ZNF169: variants seen among roughly 807,000 people sequenced by gnomAD.
The protein encoded by ZNF169 is zinc finger protein 169.
ZNF169 carries 11 observed loss-of-function variants against 12.0 expected under a neutral mutation model. The ratio of observed to expected loss-of-function variants is 0.92; its 90% confidence interval spans 0.58 to 1.52. The LOEUF is 1.52. Among genes scored for constraint, ZNF169 ranks in the 40% most tolerant of loss-of-function variants. ZNF169 has a pLI of 0.00. For synonymous variants in ZNF169, 302 were observed against 286.5 expected, an observed-to-expected ratio of 1.05 and a Z score of -0.55; for missense variants, 722 against 744.0, an observed-to-expected ratio of 0.97 and a Z score of 0.34.
intron 2 of ZNF169, chr9:94,288,208 T>A (rs1830754720): frequency 1.2e-6 from 1 of 811,886 alleles, no homozygotes; most frequent in African/African-American, 1.7e-5. Context: ...TACCCTGTCT[T>A]GATTTTAGCA....
At chr9:94,267,534 G>A (rs1830315119) in intron 1 of ZNF169, among the ~76,000 whole-genome samples, 1 of 152,200 alleles carries the variant, frequency 6.6e-6, no homozygotes, top group South Asian at 2.1e-4. Flanking sequence ...ACCAGGTAGA[G>A]AGGAACAAAT....
chr9:94,264,990 C>T (rs1830265520), intron 1 of ZNF169, among the ~76,000 whole-genome samples: 1 of 119,592 alleles, frequency 8.4e-6, no homozygotes. Flanking sequence ...GGTTCTTTTA[C>T]TAGGCTGATG....
chr9:94,285,853 A>G (rs537647619), intron 2 of ZNF169, among the ~76,000 whole-genome samples: 1 of 152,166 alleles, frequency 6.6e-6, no homozygotes, highest in Admixed American at 6.5e-5. Context: ...TACTAAAAAT[A>G]CAAAAAAATT....
intron 1 of ZNF169, among the ~76,000 whole-genome samples, chr9:94,270,483 AG>A (rs1306483606): frequency 6.7e-6 from 1 of 149,404 alleles, no homozygotes; most frequent in Non-Finnish European, 1.5e-5. Context: ...GTATGGTATT[AG>A]TGCTATGTTT....
rs1334060770 is a variant in ZNF169 at position 94,278,968 on chromosome 9, T to C, written c.33+123T>C. On this transcript the variant is annotated intron_variant, in intron 2 of 4. Transcript: ENST00000395395. ...GATCTTGTAGGCGTGACTCATCTTA[T>C]CTGGAGTTTTCTCTCAGTCTTATTT... is the stretch of plus-strand genomic sequence containing the variant. The C allele has an allele frequency of 7.8e-6, 7 of 892,832 alleles. No individual in the cohort carries two copies. The East Asian group carries it at 1.9e-4, about 24-fold the overall frequency. The allele number at this position is 892,832 out of a possible 1,614,324, so 55.3% of individuals were successfully genotyped here. A position where few individuals can be genotyped will look rare whatever the true frequency, so the allele number is the denominator to read the frequency against.
intron 1 of ZNF169, among the ~76,000 whole-genome samples, chr9:94,274,205 G>A (rs1165828024): frequency 6.6e-6 from 1 of 152,050 alleles, no homozygotes; most frequent in African/African-American, 2.4e-5. Context: ...TTTTTACTTA[G>A]TTATCTCTTT....
At chr9:94,286,662 G>A (rs142880766) in intron 2 of ZNF169, among the ~76,000 whole-genome samples, 5 of 152,284 alleles carry the variant, frequency 3.3e-5, no homozygotes, top group African/African-American at 7.2e-5. Context: ...AACAAATTGA[G>A]TGGTGAGAAT....
At chr9:94,289,654 G>A (rs10993143) in intron 2 of ZNF169, among the ~76,000 whole-genome samples, 12,745 of 152,200 alleles carry the variant, frequency 0.084, 974 homozygotes, top group East Asian at 0.34. Context: ...GCTGGGCTTG[G>A]TGGCAGGAGC....
intron 1 of ZNF169, among the ~76,000 whole-genome samples, chr9:94,275,301 C>T (rs987354039): frequency 2.6e-5 from 4 of 152,168 alleles, no homozygotes; most frequent in Non-Finnish European, 2.9e-5. Context: ...ACCATTATAA[C>T]GTCGAAAAAT....
At position 94,289,799 on chromosome 9, in the gene ZNF169, A is replaced by T. The variant is rs114981674; in HGVS notation, c.34-2542A>T. On this transcript the variant is annotated intron_variant, in intron 2 of 4. Coordinates refer to ENST00000395395, the MANE Select transcript of ZNF169 (RefSeq NM_194320.4). ...AATGAGACTCTGTCTCAAAAAAAAAAGCTATACAGTGAAATACACTAAGAA... is the reference window on the plus strand; with the variant it reads ...AATGAGACTCTGTCTCAAAAAAAAATGCTATACAGTGAAATACACTAAGAA... Among the ~76,000 whole-genome samples, 1,137 of 152,320 alleles carry T rather than the reference A, an allele frequency of 7.5e-3. 19 individuals are homozygous for T. The highest frequency in any genetic ancestry group is 0.026 in the African/African-American group (1,099 of 41,574).
chr9:94,273,604 G>C (rs1307339658), intron 1 of ZNF169, among the ~76,000 whole-genome samples: 1 of 111,044 alleles, frequency 9.0e-6, no homozygotes, highest in South Asian at 2.9e-4. Flanking sequence ...TTTGAGACAA[G>C]AGTCTTGCTC....
At chr9:94,268,593 C>T (rs187675453) in intron 1 of ZNF169, among the ~76,000 whole-genome samples, 2 of 151,706 alleles carry the variant, frequency 1.3e-5, no homozygotes, top group East Asian at 2.0e-4. Flanking sequence ...TTCGAGACCA[C>T]CCTGACCAAC....
At chr9:94,289,875 G>T (rs572386027) in intron 2 of ZNF169, among the ~76,000 whole-genome samples, 20 of 152,070 alleles carry the variant, frequency 1.3e-4, no homozygotes, top group African/African-American at 4.3e-4. Context: ...AGTAACCCAT[G>T]AGAAATTTGT....
chr9:94,300,642 C>T lies in ZNF169; in HGVS notation c.1084C>T (p.Leu362Phe). 6.2e-7 allele frequency: 1 copy of T among 1,613,810 alleles called. No individual in the cohort carries two copies. Residue 362 changes from leucine (L) to phenylalanine (F), a missense_variant, in exon 5 of 5, where the codon CTC becomes TTC. Transcript: ENST00000395395. The part of the protein sequence containing the change: ...GRGFCQKASL[L>F]QHQSSHTGER... ...AGGCTTTTGCCAGAAGGCATCACTC[C>T]TCCAGCACCAGAGCTCACACACAGG...
At chr9:94,288,693 C>T (rs1314474806) in intron 2 of ZNF169, 4 of 326,404 alleles carry the variant, frequency 1.2e-5, no homozygotes, top group Admixed American at 4.3e-5. Context: ...TTCCCTCTTG[C>T]TCACTTTTTC....
At chr9:94,291,246 G>A (rs1364021648) in intron 2 of ZNF169, among the ~76,000 whole-genome samples, 1 of 151,722 alleles carries the variant, frequency 6.6e-6, no homozygotes, top group African/African-American at 2.4e-5. Context: ...TAGAGATGGT[G>A]TTTTACCATC....
At chr9:94,291,013 C>T (rs1429263277) in intron 2 of ZNF169, among the ~76,000 whole-genome samples, 1 of 145,118 alleles carries the variant, frequency 6.9e-6, no homozygotes, top group East Asian at 2.0e-4. Context: ...ATTTTTTAAA[C>T]ATCTACTCTG....
intron 2 of ZNF169, among the ~76,000 whole-genome samples, chr9:94,291,902 AT>A (rs1461811000): frequency 6.6e-6 from 1 of 152,258 alleles, no homozygotes; most frequent in Non-Finnish European, 1.5e-5. Context: ...TTCTCACCAA[AT>A]TGATATACAG....
intron 1 of ZNF169, among the ~76,000 whole-genome samples, chr9:94,273,067 T>C (rs1830452045): frequency 6.6e-6 from 1 of 152,120 alleles, no homozygotes; most frequent in Admixed American, 6.6e-5. Flanking sequence ...CATTTTTAAT[T>C]GAGTTTTTTG....
Sources: gnomAD v4.1 joint callset for allele counts (sites outside exome capture counted in the v4.1 genomes callset) on GRCh38, gnomAD v4.1.1 for gene constraint, MANE v1.5 for transcripts, NCBI Gene and HGNC (gene_info 2026-07-23, HGNC 2026-07-21) for gene names.